The following SNTB2 variants were observed in gnomAD, a reference collection of about 807,000 sequenced individuals.
SNTB2 encodes the protein syntrophin beta 2.
A neutral mutation model predicts 46.2 loss-of-function variants in SNTB2; 34 were observed. The observed-to-expected ratio is 0.74, with a 90% confidence interval of 0.56 to 0.98. The LOEUF is 0.98. SNTB2 is among the 50% of genes least tolerant of loss of function. The pLI is 0.00. For synonymous variants in SNTB2, 290 were observed against 312.6 expected (o/e 0.93, Z 0.76); for missense variants, 603 against 731.4 (o/e 0.82, Z 2.02).
intron 1 of SNTB2, among the ~76,000 whole-genome samples, chr16:69,196,436 G>A (rs556024834): frequency 2.0e-5 from 3 of 148,156 alleles, no homozygotes; most frequent in African/African-American, 5.0e-5. Flanking sequence ...GTGTAGTGGT[G>A]TGATCTCGGC....
chr16:69,278,499 A>G lies in SNTB2; in HGVS notation c.1149-5549A>G, dbSNP rs1228025066. ...GAGACGGAGTCTTGCTCTGTCACCC[A>G]GGCTGGAGGGCAGTGGTGCAATCTC... On this transcript the variant is annotated intron_variant, in intron 4 of 6. Transcript: ENST00000336278. Among the ~76,000 whole-genome samples, 31 of 139,204 alleles carry G rather than the reference A, an allele frequency of 2.2e-4. 1 individual carries two copies. In the Admixed American group the frequency reaches 2.3e-3, roughly 10 times the overall value. The allele number at this position is 139,204 out of a possible 152,430, so 91.3% of individuals were successfully genotyped here. A position where few individuals can be genotyped will look rare whatever the true frequency, so the allele number is the denominator to read the frequency against.
At chr16:69,277,264 A>T (rs181125859) in intron 4 of SNTB2, among the ~76,000 whole-genome samples, 1 of 152,208 alleles carries the variant, frequency 6.6e-6, no homozygotes, top group Non-Finnish European at 1.5e-5. Context: ...TGGAAAACTC[A>T]TATCTGCTAC....
At chr16:69,246,541 G>A (rs1451853970) in intron 2 of SNTB2, among the ~76,000 whole-genome samples, 2 of 146,076 alleles carry the variant, frequency 1.4e-5, no homozygotes, top group African/African-American at 5.2e-5. Context: ...TTGTGTCTCT[G>A]CCCGGCTTTG....
At chr16:69,280,578 C>T (rs1172988560) in intron 4 of SNTB2, among the ~76,000 whole-genome samples, 1 of 140,794 alleles carries the variant, frequency 7.1e-6, no homozygotes, top group Non-Finnish European at 1.5e-5. Context: ...GGCGGCTGGC[C>T]GGGCGGGGGG....
chr16:69,293,014 A>G (rs1240111689), intron 5 of SNTB2, among the ~76,000 whole-genome samples: 1 of 152,170 alleles, frequency 6.6e-6, no homozygotes, highest in Admixed American at 6.6e-5. Context: ...TGGAAACCAG[A>G]GGAAGAGTAT....
rs184602326 is a variant in SNTB2, at chr16:69,307,516, T to C, written c.*6592T>C. The C allele has an allele frequency of 6.8e-6, 1 of 148,142 alleles. No homozygotes were observed. Among genetic ancestry groups the C allele is most frequent in the Non-Finnish European group, 1.5e-5 (1 of 65,558 alleles). 9.2% of individuals were successfully genotyped at this position (148,142 alleles called of 1,614,324 possible). On this transcript the variant is annotated 3_prime_UTR_variant, in exon 7 of 7. Transcript: ENST00000336278. ...AAATGAGAAAGTCTTTCTTAAAAAA[T>C]GCTTCTTTAACTGTAACAGCAAAAC...
intron 1 of SNTB2, among the ~76,000 whole-genome samples, chr16:69,220,355 G>GT (rs1268909995): frequency 8.7e-5 from 13 of 149,878 alleles, no homozygotes; most frequent in Non-Finnish European, 1.5e-5. Flanking sequence ...TAGAGACGGG[G>GT]TTTCATCATG....
intron 5 of SNTB2, among the ~76,000 whole-genome samples, chr16:69,286,458 C>A (rs368676644): frequency 3.9e-5 from 6 of 152,018 alleles, no homozygotes; most frequent in Non-Finnish European, 8.8e-5. Context: ...CTAAGGCTGG[C>A]GCATTGTTTG....
intron 5 of SNTB2, among the ~76,000 whole-genome samples, chr16:69,289,935 A>G (rs906637035): frequency 1.3e-5 from 2 of 152,156 alleles, no homozygotes; most frequent in African/African-American, 4.8e-5. Context: ...AGAAAAAAGG[A>G]AATTGTTGGG....
chr16:69,259,393 C>T (rs891639036), intron 2 of SNTB2, among the ~76,000 whole-genome samples: 4 of 151,160 alleles, frequency 2.6e-5, no homozygotes, highest in African/African-American at 4.9e-5. Flanking sequence ...CCCCAACGCC[C>T]GGCTAAATTT....
chr16:69,281,524 T>C (rs1965046385), intron 4 of SNTB2, among the ~76,000 whole-genome samples: 2 of 151,218 alleles, frequency 1.3e-5, no homozygotes, highest in African/African-American at 4.9e-5. Flanking sequence ...CATATGGATG[T>C]CTACTTATTT....
chr16:69,199,918 A>T (rs1964144323), intron 1 of SNTB2, among the ~76,000 whole-genome samples: 1 of 151,972 alleles, frequency 6.6e-6, no homozygotes, highest in Admixed American at 6.6e-5. Flanking sequence ...GGGAAGACAG[A>T]GACTTTTTTT....
chr16:69,235,015 C>CTTTA (rs955400907), intron 1 of SNTB2, among the ~76,000 whole-genome samples: 7 of 151,722 alleles, frequency 4.6e-5, no homozygotes, highest in African/African-American at 1.2e-4. Context: ...CAACTTGGTT[C>CTTTA]TTTATTTATT....
chr16:69,295,041 G>A (rs577163850), intron 5 of SNTB2, among the ~76,000 whole-genome samples: 16 of 151,732 alleles, frequency 1.1e-4, no homozygotes, highest in African/African-American at 3.6e-4. Flanking sequence ...GGCTGATCTC[G>A]AACTCCTGAG....
intron 2 of SNTB2, among the ~76,000 whole-genome samples, chr16:69,251,067 C>T (rs1964721053): frequency 6.7e-6 from 1 of 148,598 alleles, no homozygotes; most frequent in Non-Finnish European, 1.5e-5. Flanking sequence ...CAAGCTCCGC[C>T]TCCCGGGTTC....
intron 2 of SNTB2, among the ~76,000 whole-genome samples, chr16:69,253,942 G>A (rs1296067826): frequency 6.6e-6 from 1 of 152,144 alleles, no homozygotes; most frequent in East Asian, 1.9e-4. Flanking sequence ...GCCTCGAGAA[G>A]GATGAACTGA....
chr16:69,219,579 G>T (rs965413266), intron 1 of SNTB2, among the ~76,000 whole-genome samples: 1 of 151,958 alleles, frequency 6.6e-6, no homozygotes, highest in African/African-American at 2.4e-5. Context: ...AGTGCAAGAG[G>T]GGGAAAGAAA....
At chr16:69,216,560 C>G (rs775477236) in intron 1 of SNTB2, among the ~76,000 whole-genome samples, 31 of 151,492 alleles carry the variant, frequency 2.0e-4, no homozygotes, top group Non-Finnish European at 3.2e-4. Context: ...TGGTGTGCAC[C>G]TATAGTTTCA....
intron 1 of SNTB2, among the ~76,000 whole-genome samples, chr16:69,219,940 G>A (rs976768429): frequency 2.0e-5 from 3 of 151,462 alleles, no homozygotes; most frequent in Admixed American, 1.3e-4. Flanking sequence ...TGGTAGAAAC[G>A]GGGGTTTCAC....
Sources: allele counts gnomAD v4.1 joint callset (sites outside exome capture counted in the v4.1 genomes callset), GRCh38; gene constraint gnomAD v4.1.1; transcripts MANE v1.5; gene names NCBI Gene and HGNC (gene_info 2026-07-23, HGNC 2026-07-21).